The following NR6A1 variants were observed in gnomAD, a reference collection of about 807,000 sequenced individuals.
The protein encoded by NR6A1 is retinoic acid receptor-related testis-associated receptor.
A neutral mutation model predicts 59.1 loss-of-function variants in NR6A1; 7 were observed. The ratio of observed to expected loss-of-function variants is 0.12; its 90% CI spans 0.07 to 0.22. The LOEUF is 0.22. Among genes scored for constraint, NR6A1 ranks in the 10% least tolerant of loss-of-function variants. The probability of loss-of-function intolerance (pLI) is 1.00; values close to 1 mark genes in which losing one functional copy is unlikely to be tolerated. For missense variants in NR6A1, 468 were observed against 611.6 expected, an observed-to-expected ratio of 0.77 and a Z score of 2.48; for synonymous variants, 243 against 236.1, an observed-to-expected ratio of 1.03 and a Z score of -0.27.
intron 2 of NR6A1, chr9:124,607,280 T>G (rs1039260328): frequency 6.6e-6 from 1 of 152,112 alleles, no homozygotes; most frequent in Non-Finnish European, 1.5e-5. Context: ...CCACACTAAG[T>G]TCAGCTTCAA....
chr9:124,623,399 T>C (rs1364690551), intron 2 of NR6A1, among the ~76,000 whole-genome samples: 2 of 152,088 alleles, frequency 1.3e-5, no homozygotes, highest in Non-Finnish European at 2.9e-5. Flanking sequence ...TCTTGTTCTG[T>C]CACCCAGGCT....
intron 2 of NR6A1, among the ~76,000 whole-genome samples, chr9:124,557,037 C>A (rs1026188422): frequency 3.5e-4 from 54 of 152,124 alleles, no homozygotes; most frequent in African/African-American, 1.3e-3. Flanking sequence ...CTCTACAGTT[C>A]TTGGTTACAG....
chr9:124,680,563 T>C (rs1007741228), intron 2 of NR6A1, among the ~76,000 whole-genome samples: 1 of 152,186 alleles, frequency 6.6e-6, no homozygotes, highest in South Asian at 2.1e-4. Flanking sequence ...TCAACCTTTA[T>C]TGAGCTCCAC....
chr9:124,579,330 T>C (rs1396460266), intron 2 of NR6A1, among the ~76,000 whole-genome samples: 2 of 151,498 alleles, frequency 1.3e-5, no homozygotes, highest in Non-Finnish European at 2.9e-5. Flanking sequence ...GGTGGAGGAT[T>C]GCCTGAGCTC....
intron 2 of NR6A1, among the ~76,000 whole-genome samples, chr9:124,689,827 T>C (rs1177189998): frequency 6.6e-6 from 1 of 152,172 alleles, no homozygotes; most frequent in African/African-American, 2.4e-5. Flanking sequence ...TAGGCAGAAT[T>C]AACCCCTCTT....
chr9:124,638,001 G>GT (rs1212981493), intron 2 of NR6A1, among the ~76,000 whole-genome samples: 3 of 151,988 alleles, frequency 2.0e-5, no homozygotes, highest in African/African-American at 7.2e-5. Flanking sequence ...TCCCAGCACT[G>GT]TGGGAGGCTT....
chr9:124,744,034 C>CT (rs1840252581), intron 1 of NR6A1, among the ~76,000 whole-genome samples: 1 of 152,166 alleles, frequency 6.6e-6, no homozygotes, highest in Non-Finnish European at 1.5e-5. Flanking sequence ...GAAAACCAGC[C>CT]TGGGCAATAT....
chr9:124,594,168 G>T (rs1835207458), intron 2 of NR6A1, among the ~76,000 whole-genome samples: 1 of 152,146 alleles, frequency 6.6e-6, no homozygotes, highest in Non-Finnish European at 1.5e-5. Context: ...CTACAACTGG[G>T]ATCATTCATT....
intron 2 of NR6A1, among the ~76,000 whole-genome samples, chr9:124,643,417 A>G (rs946549568): frequency 2.0e-5 from 3 of 151,978 alleles, no homozygotes; most frequent in Non-Finnish European, 2.9e-5. Flanking sequence ...CCTGGGCAAC[A>G]TGATGAAACC....
At chr9:124,696,479 T>C (rs1838766269) in intron 2 of NR6A1, among the ~76,000 whole-genome samples, 1 of 151,640 alleles carries the variant, frequency 6.6e-6, no homozygotes, top group Non-Finnish European at 1.5e-5. Context: ...TATTTATACT[T>C]AGAGAAAATA....
intron 2 of NR6A1, among the ~76,000 whole-genome samples, chr9:124,599,893 T>C (rs1176752942): frequency 6.6e-6 from 1 of 152,234 alleles, no homozygotes; most frequent in African/African-American, 2.4e-5. Context: ...TCTTTTGAGA[T>C]GTTCTTAACA....
intron 2 of NR6A1, among the ~76,000 whole-genome samples, chr9:124,694,431 CTT>C (rs1344351142): frequency 6.6e-6 from 1 of 152,126 alleles, no homozygotes; most frequent in Non-Finnish European, 1.5e-5. Context: ...TATAGTATGA[CTT>C]AATATGAATG....
intron 2 of NR6A1, among the ~76,000 whole-genome samples, chr9:124,661,942 G>A (rs1433994599): frequency 1.3e-5 from 2 of 152,006 alleles, no homozygotes; most frequent in Non-Finnish European, 2.9e-5. Flanking sequence ...GCTGATCTGG[G>A]CTATGCTTAT....
chr9:124,732,714 G>A (rs1402790912), intron 2 of NR6A1, among the ~76,000 whole-genome samples: 1 of 123,726 alleles, frequency 8.1e-6, no homozygotes, highest in African/African-American at 3.1e-5. Context: ...TTTTTTTTTT[G>A]AGGTGGAGTT....
At chr9:124,623,001 T>A (rs1367972128) in intron 2 of NR6A1, among the ~76,000 whole-genome samples, 1 of 152,172 alleles carries the variant, frequency 6.6e-6, no homozygotes, top group Non-Finnish European at 1.5e-5. Context: ...GAGGCTATGA[T>A]GAACTCAGGG....
intron 1 of NR6A1, among the ~76,000 whole-genome samples, chr9:124,752,139 T>G (rs1840517669): frequency 6.6e-6 from 1 of 152,110 alleles, no homozygotes; most frequent in Non-Finnish European, 1.5e-5. Context: ...CATGGTGGCA[T>G]GCACCTGTAA....
At chr9:124,695,626 G>A (rs952657717) in intron 2 of NR6A1, among the ~76,000 whole-genome samples, 7 of 152,096 alleles carry the variant, frequency 4.6e-5, no homozygotes, top group African/African-American at 1.2e-4. Context: ...CGCCTCGGCC[G>A]CCCAAATTGC....
At chr9:124,601,189 T>C (rs1347184099) in intron 2 of NR6A1, among the ~76,000 whole-genome samples, 1 of 151,916 alleles carries the variant, frequency 6.6e-6, no homozygotes, top group East Asian at 1.9e-4. Context: ...GGCAGGAGAA[T>C]TGCTTGAGCC....
intron 2 of NR6A1, among the ~76,000 whole-genome samples, chr9:124,655,687 A>G (rs990781620): frequency 6.6e-6 from 1 of 152,178 alleles, no homozygotes; most frequent in Non-Finnish European, 1.5e-5. Context: ...GGAAGGCTGG[A>G]AAGAATCTTC....
Sources: allele counts gnomAD v4.1 joint callset (sites outside exome capture counted in the v4.1 genomes callset), GRCh38; gene constraint gnomAD v4.1.1; transcripts MANE v1.5; gene names NCBI Gene and HGNC (gene_info 2026-07-23, HGNC 2026-07-21).